The following SPMIP2 variants were observed in gnomAD, a reference collection of about 807,000 sequenced individuals.
The protein encoded by SPMIP2 is sperm microtubule inner protein 2.
the SPMIP2 span, among the ~76,000 whole-genome samples, chr4:159,072,448 ATTC>A: frequency 1.5e-5 from 2 of 133,818 alleles, no homozygotes; most frequent in Admixed American, 8.8e-5. Flanking sequence ...AATCTTATGA[ATTC>A]TTTTTTTTTT....
the SPMIP2 span, among the ~76,000 whole-genome samples, chr4:158,975,181 T>C: frequency 1.3e-5 from 2 of 152,204 alleles, no homozygotes; most frequent in African/African-American, 4.8e-5. Flanking sequence ...TTAAGTTCCT[T>C]GCAGCATCTT....
At chr4:158,942,150 C>T in the SPMIP2 span, among the ~76,000 whole-genome samples, 1 of 152,224 alleles carries the variant, frequency 6.6e-6, no homozygotes, top group Non-Finnish European at 1.5e-5. Flanking sequence ...TTACATATTG[C>T]TGTAGAAGCT....
At chr4:158,915,079 A>G in the SPMIP2 span, 1 of 1,101,160 alleles carries the variant, frequency 9.1e-7, no homozygotes, top group Non-Finnish European at 1.3e-6. Context: ...AAAACTGATT[A>G]TTAGTATTAC....
chr4:159,080,885 G>A, the SPMIP2 span, among the ~76,000 whole-genome samples: 11 of 151,842 alleles, frequency 7.2e-5, no homozygotes, highest in Admixed American at 3.3e-4. Context: ...CACCATGCCC[G>A]GCTAATTTTT....
At chr4:158,979,382 C>T in the SPMIP2 span, among the ~76,000 whole-genome samples, 3 of 152,148 alleles carry the variant, frequency 2.0e-5, no homozygotes, top group Non-Finnish European at 4.4e-5. Flanking sequence ...ATGGGCATTC[C>T]AGGCACCACT....
At chr4:158,941,062 A>G in the SPMIP2 span, among the ~76,000 whole-genome samples, 1 of 152,238 alleles carries the variant, frequency 6.6e-6, no homozygotes, top group Non-Finnish European at 1.5e-5. Context: ...ACTAGGAGAC[A>G]TCACAGCTAC....
the SPMIP2 span, among the ~76,000 whole-genome samples, chr4:158,946,693 G>T: frequency 6.6e-6 from 1 of 152,138 alleles, no homozygotes; most frequent in Admixed American, 6.5e-5. Context: ...ATGTGAAAAT[G>T]AACTAACACA....
the SPMIP2 span, among the ~76,000 whole-genome samples, chr4:158,958,076 C>T: frequency 6.6e-6 from 1 of 152,104 alleles, no homozygotes; most frequent in African/African-American, 2.4e-5. Context: ...ACTGCAGCCT[C>T]GACCTCCCGG....
chr4:158,989,097 A>C, the SPMIP2 span, among the ~76,000 whole-genome samples: 1 of 152,126 alleles, frequency 6.6e-6, no homozygotes, highest in Non-Finnish European at 1.5e-5. Context: ...ATAACAGACA[A>C]ACAGACAGCC....
At chr4:158,926,097 C>T in the SPMIP2 span, among the ~76,000 whole-genome samples, 1 of 152,122 alleles carries the variant, frequency 6.6e-6, no homozygotes, top group Non-Finnish European at 1.5e-5. Flanking sequence ...ACATTCAGAC[C>T]GTAGCAATCA....
chr4:158,894,785 G>T, the SPMIP2 span, among the ~76,000 whole-genome samples: 3 of 152,110 alleles, frequency 2.0e-5, no homozygotes, highest in Non-Finnish European at 4.4e-5. Context: ...TCACTTAGCA[G>T]TTGTGTTTCA....
chr4:159,042,298 C>A, the SPMIP2 span, among the ~76,000 whole-genome samples: 1 of 152,338 alleles, frequency 6.6e-6, no homozygotes, highest in East Asian at 1.9e-4. Flanking sequence ...TTGCTCTCTT[C>A]GAGGCTGCTG....
At chr4:159,075,934 C>T in the SPMIP2 span, among the ~76,000 whole-genome samples, 1 of 152,042 alleles carries the variant, frequency 6.6e-6, no homozygotes, top group Non-Finnish European at 1.5e-5. Context: ...TGGCTGGTGG[C>T]ACTAATTTTT....
At chr4:158,981,327 C>CA in the SPMIP2 span, among the ~76,000 whole-genome samples, 1 of 152,076 alleles carries the variant, frequency 6.6e-6, no homozygotes, top group Non-Finnish European at 1.5e-5. Flanking sequence ...CAAGACAGGC[C>CA]AACATTCAAA....
the SPMIP2 span, chr4:159,035,070 T>TG: frequency 6.2e-7 from 1 of 1,613,466 alleles, no homozygotes; most frequent in South Asian, 1.1e-5. Context: ...TAGTAGATGT[T>TG]GGCTTTTGGT....
At chr4:158,987,413 A>C in the SPMIP2 span, among the ~76,000 whole-genome samples, 2 of 152,292 alleles carry the variant, frequency 1.3e-5, no homozygotes, top group African/African-American at 2.4e-5. Flanking sequence ...CTGGATTAAG[A>C]ATATGTGGCA....
chr4:158,952,676 A>C, the SPMIP2 span, among the ~76,000 whole-genome samples: 7 of 152,196 alleles, frequency 4.6e-5, no homozygotes, highest in African/African-American at 1.7e-4. Context: ...GAAGACAGGA[A>C]AATGTGAGAA....
chr4:158,926,985 C>T, the SPMIP2 span, among the ~76,000 whole-genome samples: 1 of 152,128 alleles, frequency 6.6e-6, no homozygotes, highest in East Asian at 1.9e-4. Flanking sequence ...TACACAGGTA[C>T]CCCTGAATCT....
At chr4:159,017,192 T>C in the SPMIP2 span, among the ~76,000 whole-genome samples, 1 of 152,094 alleles carries the variant, frequency 6.6e-6, no homozygotes, top group Non-Finnish European at 1.5e-5. Flanking sequence ...GCAAAAACAG[T>C]GTACAATGAT....
Sources: allele counts gnomAD v4.1 joint callset (sites outside exome capture counted in the v4.1 genomes callset), GRCh38; gene constraint gnomAD v4.1.1; transcripts MANE v1.5; gene names NCBI Gene and HGNC (gene_info 2026-07-23, HGNC 2026-07-21).